RGL1: variants seen among roughly 807,000 people sequenced by gnomAD.
RGL1 encodes ral guanine nucleotide dissociation stimulator like 1, also known as ral guanine nucleotide dissociation stimulator-like 1.
RGL1 carries 24 observed loss-of-function variants against 95.2 expected under a neutral mutation model. The observed-to-expected ratio is 0.25, with a 90% confidence interval of 0.18 to 0.35. The LOEUF (loss-of-function observed/expected upper bound fraction) is 0.35, where lower values mean the gene tolerates loss of function less well. Among genes scored for constraint, RGL1 ranks in the 10% least tolerant of loss-of-function variants. RGL1 has a pLI of 1.00. For synonymous variants in RGL1, 329 were observed against 344.9 expected (o/e 0.95, Z 0.51); for missense variants, 715 against 936.3 (o/e 0.76, Z 3.08).
intron 2 of RGL1, among the ~76,000 whole-genome samples, chr1:183,823,661 A>G (rs7531289): frequency 0.063 from 9,648 of 152,270 alleles, 1,029 homozygotes; most frequent in African/African-American, 0.22. Context: ...ACGGAGTTCC[A>G]CTGTAGCTAT....
intron 2 of RGL1, among the ~76,000 whole-genome samples, chr1:183,816,436 G>C (rs1215328431): frequency 6.6e-6 from 1 of 152,126 alleles, no homozygotes; most frequent in African/African-American, 2.4e-5. Context: ...ATTTCTTACT[G>C]TGCTACACGT....
chr1:183,809,795 T>C (rs1661581484), intron 2 of RGL1, among the ~76,000 whole-genome samples: 1 of 151,868 alleles, frequency 6.6e-6, no homozygotes, highest in Non-Finnish European at 1.5e-5. Context: ...AAAATAAAAA[T>C]AAAATTAAAA....
At chr1:183,809,661 C>T (rs374572820) in intron 2 of RGL1, among the ~76,000 whole-genome samples, 4 of 152,102 alleles carry the variant, frequency 2.6e-5, no homozygotes, top group African/African-American at 9.7e-5. Flanking sequence ...AGAGCAATTC[C>T]GAGCCTAGCA....
intron 1 of RGL1, among the ~76,000 whole-genome samples, chr1:183,665,798 G>C (rs546405864): frequency 6.6e-6 from 1 of 152,088 alleles, no homozygotes; most frequent in African/African-American, 2.4e-5. Flanking sequence ...CTGGCTTGAG[G>C]CTTATTGATT....
chr1:183,773,932 GA>G (rs1394722116), intron 2 of RGL1, among the ~76,000 whole-genome samples: 8 of 130,840 alleles, frequency 6.1e-5, no homozygotes, highest in Non-Finnish European at 1.3e-4. Flanking sequence ...AGGAATAATT[GA>G]GGGTGGTAGA....
chr1:183,869,930 A>G lies in RGL1; in HGVS notation c.425+3857A>G, dbSNP rs144112319. Among the ~76,000 whole-genome samples the G allele has an allele frequency of 8.3e-4, 127 of 152,330 alleles. 1 individual carries two copies. The East Asian group carries it at 0.019, about 22-fold the overall frequency. Reference sequence around the variant, plus strand: ...CAACAGGGCGATTGTTATCCTCCAGAGGACATTTGCCAATGCCCTACAGAC... The same window carrying G: ...CAACAGGGCGATTGTTATCCTCCAGGGGACATTTGCCAATGCCCTACAGAC... On this transcript the variant is annotated intron_variant, in intron 4 of 17. Transcript: ENST00000360851.
At chr1:183,692,755 G>A (rs1654022630) in intron 1 of RGL1, among the ~76,000 whole-genome samples, 1 of 152,120 alleles carries the variant, frequency 6.6e-6, no homozygotes, top group African/African-American at 2.4e-5. Flanking sequence ...AGTGGTTGCA[G>A]CTAGGGTGGG....
intron 2 of RGL1, among the ~76,000 whole-genome samples, chr1:183,806,813 A>G (rs1661376993): frequency 6.6e-6 from 1 of 152,078 alleles, no homozygotes. Flanking sequence ...CAAGAGCCAT[A>G]AGCAGCTTTG....
intron 1 of RGL1, among the ~76,000 whole-genome samples, chr1:183,664,077 GGGGGA>G (rs1558141756): frequency 1.0e-5 from 1 of 98,236 alleles, no homozygotes; most frequent in Non-Finnish European, 1.9e-5. Context: ...GTGGGGGGAG[GGGGGA>G]GGGATAGCTT....
intron 2 of RGL1, among the ~76,000 whole-genome samples, chr1:183,808,100 TACA>T (rs1053775602): frequency 1.3e-5 from 2 of 152,220 alleles, no homozygotes; most frequent in African/African-American, 4.8e-5. Flanking sequence ...TTCAGCCATA[TACA>T]ACATTAGTTA....
intron 3 of RGL1, among the ~76,000 whole-genome samples, chr1:183,849,482 A>AATTTTTTTTATT (rs150367802): frequency 3.0e-5 from 3 of 99,360 alleles, no homozygotes; most frequent in African/African-American, 3.8e-5. Flanking sequence ...TCCAGTTTTT[A>AATTTTTTTTATT]GTTTTTTTTT....
chr1:183,803,993 T>C (rs1661134835), upstream of RGL1, among the ~76,000 whole-genome samples: 1 of 152,228 alleles, frequency 6.6e-6, no homozygotes, highest in Non-Finnish European at 1.5e-5. Flanking sequence ...TCTGGTTGTA[T>C]GGGGATAACC....
intron 1 of RGL1, among the ~76,000 whole-genome samples, chr1:183,725,648 A>C (rs2102216464): frequency 6.6e-6 from 1 of 152,322 alleles, no homozygotes; most frequent in Middle Eastern, 3.4e-3. Flanking sequence ...ATGTGTATTC[A>C]CCTTATAACT....
intron 1 of RGL1, among the ~76,000 whole-genome samples, chr1:183,738,227 C>T (rs1457202268): frequency 6.6e-6 from 1 of 152,098 alleles, no homozygotes; most frequent in Non-Finnish European, 1.5e-5. Context: ...CCAGACCAGC[C>T]TGGCCAACAT....
At chr1:183,830,471 T>C (rs992872835) in intron 2 of RGL1, among the ~76,000 whole-genome samples, 5 of 152,210 alleles carry the variant, frequency 3.3e-5, no homozygotes, top group Non-Finnish European at 7.3e-5. Context: ...GTTGATTAGA[T>C]TGTGTATTCA....
chr1:183,819,634 T>C (rs1489951219), intron 2 of RGL1, among the ~76,000 whole-genome samples: 1 of 152,208 alleles, frequency 6.6e-6, no homozygotes, highest in Non-Finnish European at 1.5e-5. Flanking sequence ...TAAAATTAAG[T>C]GTTCTGATGG....
At chr1:183,752,708 C>CTCTCTCTCTCTCTCTCTCTCTCTCTA (rs1572369880) in intron 2 of RGL1, among the ~76,000 whole-genome samples, 1 of 144,860 alleles carries the variant, frequency 6.9e-6, no homozygotes, top group African/African-American at 2.6e-5. Flanking sequence ...CTCTCTCTTT[C>CTCTCTCTCTCTCTCTCTCTCTCTCTA]CCCTTTCCTC....
At chr1:183,900,803 G>A (rs760487070) in intron 11 of RGL1, among the ~76,000 whole-genome samples, 5 of 150,842 alleles carry the variant, frequency 3.3e-5, no homozygotes, top group African/African-American at 7.3e-5. Flanking sequence ...CACTGCACCC[G>A]GCCCACAATG....
chr1:183,896,082 A>G (rs1667681523), intron 9 of RGL1, among the ~76,000 whole-genome samples: 2 of 152,308 alleles, frequency 1.3e-5, no homozygotes, highest in South Asian at 4.1e-4. Flanking sequence ...CTGGAGGGAG[A>G]CCAGAAGGAC....
Sources: gnomAD v4.1 joint callset for allele counts (sites outside exome capture counted in the v4.1 genomes callset) on GRCh38, gnomAD v4.1.1 for gene constraint, MANE v1.5 for transcripts, NCBI Gene and HGNC (gene_info 2026-07-23, HGNC 2026-07-21) for gene names.